Variants in RAP1GDS1 observed in about 807,000 individuals in gnomAD.
RAP1GDS1 encodes Rap1 GTPase-GDP dissociation stimulator 1.
Under a neutral mutation model 71.1 loss-of-function variants are expected in RAP1GDS1, and 35 were observed. The ratio of observed to expected loss-of-function variants is 0.49; its 90% confidence interval spans 0.38 to 0.65. The LOEUF (loss-of-function observed/expected upper bound fraction) is 0.65, where lower values mean the gene tolerates loss of function less well. Ranked by LOEUF, RAP1GDS1 falls within the 30% of genes least tolerant of loss-of-function variation. The probability of loss-of-function intolerance (pLI) is 0.00; values close to 1 mark genes in which losing one functional copy is unlikely to be tolerated. For synonymous variants in RAP1GDS1, 229 were observed against 243.1 expected (o/e 0.94, Z 0.54); for missense variants, 663 against 706.1 (o/e 0.94, Z 0.69).
intron 2 of RAP1GDS1, among the ~76,000 whole-genome samples, chr4:98,340,475 C>G (rs1735333094): frequency 6.6e-6 from 1 of 152,134 alleles, no homozygotes; most frequent in Non-Finnish European, 1.5e-5. Flanking sequence ...TGGCTCACAC[C>G]TGTAATCCCA....
At chr4:98,353,110 C>A (rs950561790) in intron 4 of RAP1GDS1, among the ~76,000 whole-genome samples, 6 of 152,172 alleles carry the variant, frequency 3.9e-5, no homozygotes, top group Non-Finnish European at 8.8e-5. Flanking sequence ...GTCATCCTCA[C>A]CACATTCTAT....
intron 2 of RAP1GDS1, among the ~76,000 whole-genome samples, chr4:98,309,575 A>G (rs564450018): frequency 3.3e-5 from 5 of 152,150 alleles, no homozygotes; most frequent in African/African-American, 4.8e-5. Context: ...TAGTCAAGGT[A>G]AGGGAAGGAT....
At chr4:98,265,924 A>G (rs2110220704) in intron 1 of RAP1GDS1, among the ~76,000 whole-genome samples, 1 of 152,228 alleles carries the variant, frequency 6.6e-6, no homozygotes, top group Non-Finnish European at 1.5e-5. Context: ...TTTAGTAGAT[A>G]TGGAGGTCAG....
At chr4:98,261,793 G>A (rs142716834) in intron 1 of RAP1GDS1, among the ~76,000 whole-genome samples, 2,941 of 151,662 alleles carry the variant, frequency 0.019, 50 homozygotes, top group Non-Finnish European at 0.031. Context: ...CCGCGGGCCG[G>A]ACCGCCGCCC....
chr4:98,279,711 C>G (rs1479804090), intron 1 of RAP1GDS1, among the ~76,000 whole-genome samples: 1 of 152,058 alleles, frequency 6.6e-6, no homozygotes, highest in Non-Finnish European at 1.5e-5. Flanking sequence ...CTGTACCCAT[C>G]AACTCATCAT....
chr4:98,269,112 A>G (rs533690336), intron 1 of RAP1GDS1, among the ~76,000 whole-genome samples: 1 of 149,792 alleles, frequency 6.7e-6, no homozygotes, highest in Non-Finnish European at 1.5e-5. Flanking sequence ...AGACACATAG[A>G]TCAATGGAAC....
In RAP1GDS1 at chr4:98,418,765, G is replaced by A; in HGVS notation, c.1148G>A (p.Ser383Asn). The A allele has an allele frequency of 6.2e-7, 1 of 1,600,042 alleles. No homozygotes were observed. Among genetic ancestry groups the A allele is most frequent in the Non-Finnish European group, 8.5e-7 (1 of 1,174,328 alleles). ...GNVTVQHAAL[S>N]ALRNLAIPVI... Reference sequence around the variant, plus strand: ...GTAACAGTACAGCATGCAGCACTAAGTGCCCTCAGAAACCTGGCCATTCCA... The same window carrying A: ...GTAACAGTACAGCATGCAGCACTAAATGCCCTCAGAAACCTGGCCATTCCA... Residue 383 changes from serine (S) to asparagine (N), a missense_variant, in exon 10 of 15, where the codon AGT becomes AAT. Coordinates refer to ENST00000408927, the MANE Select transcript of RAP1GDS1 (RefSeq NM_001100427.2).
chr4:98,439,967 T>C (rs929166378), intron 14 of RAP1GDS1, among the ~76,000 whole-genome samples: 2 of 152,210 alleles, frequency 1.3e-5, no homozygotes, highest in African/African-American at 4.8e-5. Context: ...AAACTGAAAC[T>C]CTGTACTCAT....
chr4:98,366,856 TG>T (rs1162183537), intron 4 of RAP1GDS1, among the ~76,000 whole-genome samples: 2 of 152,198 alleles, frequency 1.3e-5, no homozygotes, highest in East Asian at 3.8e-4. Context: ...ACTTGGGTGC[TG>T]TTAAAAGCAT....
At chr4:98,317,512 T>C (rs569735801) in intron 2 of RAP1GDS1, among the ~76,000 whole-genome samples, 4 of 151,956 alleles carry the variant, frequency 2.6e-5, no homozygotes, top group African/African-American at 9.7e-5. Flanking sequence ...GGTGATAGGG[T>C]TGGAGGAGGA....
At chr4:98,296,809 C>A in intron 2 of RAP1GDS1, 1 of 261,694 alleles carries the variant, frequency 3.8e-6, no homozygotes, top group Non-Finnish European at 7.5e-6. Context: ...AATGTGGCAT[C>A]TAAATCACCT....
chr4:98,328,154 A>G (rs1223960685), intron 2 of RAP1GDS1, among the ~76,000 whole-genome samples: 2 of 152,176 alleles, frequency 1.3e-5, no homozygotes. Flanking sequence ...CAACTTTCCC[A>G]TAGGAATTTA....
At chr4:98,308,329 A>ATATATG (rs1388936216) in intron 2 of RAP1GDS1, among the ~76,000 whole-genome samples, 2 of 138,034 alleles carry the variant, frequency 1.4e-5, no homozygotes, top group African/African-American at 2.8e-5. Context: ...ATATATATAT[A>ATATATG]TATGCGCCAG....
intron 7 of RAP1GDS1, among the ~76,000 whole-genome samples, chr4:98,411,086 C>CTA (rs1746998361): frequency 6.6e-6 from 1 of 152,056 alleles, no homozygotes; most frequent in Admixed American, 6.6e-5. Context: ...TTTAAAATAC[C>CTA]TATATATGAT....
chr4:98,285,483 A>C (rs1248208309), intron 1 of RAP1GDS1, among the ~76,000 whole-genome samples: 1 of 152,158 alleles, frequency 6.6e-6, no homozygotes, highest in East Asian at 1.9e-4. Flanking sequence ...ACAAAAGTTT[A>C]GTATTTTTAT....
chr4:98,351,699 T>TG (rs1737211019), intron 3 of RAP1GDS1, among the ~76,000 whole-genome samples: 1 of 148,896 alleles, frequency 6.7e-6, no homozygotes. Context: ...CATGAGACAC[T>TG]GAAAAAAAAA....
At chr4:98,361,224 T>C (rs1180367407) in intron 4 of RAP1GDS1, among the ~76,000 whole-genome samples, 4 of 151,918 alleles carry the variant, frequency 2.6e-5, no homozygotes, top group African/African-American at 4.8e-5. Context: ...CATATATATA[T>C]ACATATATAT....
At chr4:98,339,242 A>G (rs964833309) in intron 2 of RAP1GDS1, among the ~76,000 whole-genome samples, 5 of 152,226 alleles carry the variant, frequency 3.3e-5, no homozygotes, top group Non-Finnish European at 7.3e-5. Context: ...CTTCAGGGAC[A>G]GAATGAGTGC....
Position 98,352,497 on chromosome 4 carries a change from T to C in RAP1GDS1, c.257T>C (p.Val86Ala). ...TCAGAGTTTATGCGAATTCCATGTG[T>C]GGATGCTGGATTGATTTCACCACTG... is the stretch of plus-strand genomic sequence containing the variant. ...AKNEFMRIPC[V>A]DAGLISPLVQ... The change falls in exon 4 of 15, where the codon GTG becomes GCG. Residue 86 changes from valine to alanine, a missense_variant. Coordinates refer to ENST00000408927, the MANE Select transcript of RAP1GDS1 (RefSeq NM_001100427.2). The C allele has an allele frequency of 6.2e-7, 1 of 1,613,872 alleles. No individual in the cohort carries two copies. Among genetic ancestry groups the C allele is most frequent in the Non-Finnish European group, 8.5e-7 (1 of 1,179,834 alleles).
Sources: gnomAD v4.1 joint callset for allele counts (sites outside exome capture counted in the v4.1 genomes callset) on GRCh38, gnomAD v4.1.1 for gene constraint, MANE v1.5 for transcripts, NCBI Gene and HGNC (gene_info 2026-07-23, HGNC 2026-07-21) for gene names.